Variants in ALOX12 observed in about 807,000 individuals in gnomAD.
The protein encoded by ALOX12 is polyunsaturated fatty acid lipoxygenase ALOX12.
Under a neutral mutation model 85.5 loss-of-function variants are expected in ALOX12, and 62 were observed. That is an observed-to-expected ratio of 0.73 (90% CI 0.59 to 0.90). The LOEUF is 0.90. Ranked by LOEUF, ALOX12 falls within the 40% of genes least tolerant of loss-of-function variation. The probability of loss-of-function intolerance (pLI) is 0.00; values close to 1 mark genes in which losing one functional copy is unlikely to be tolerated. For synonymous variants in ALOX12, 299 were observed against 332.7 expected (o/e 0.90, Z 1.10); for missense variants, 751 against 856.5 (o/e 0.88, Z 1.54).
At chr17:6,998,156 T>C (rs960423522) in intron 2 of ALOX12, among the ~76,000 whole-genome samples, 3 of 152,028 alleles carry the variant, frequency 2.0e-5, no homozygotes, top group Non-Finnish European at 4.4e-5. Context: ...TGTAGGTGTA[T>C]AGGTGACTAA....
chr17:7,000,227 C>A lies in ALOX12; in HGVS notation c.808-109C>A. On this transcript the variant is annotated intron_variant, in intron 6 of 13. Coordinates refer to ENST00000251535, the MANE Select transcript of ALOX12 (RefSeq NM_000697.3). The surrounding 1 kb of genome is among the most constrained non-coding windows in gnomAD (Gnocchi z 4.6). ...TAGTTCTCCCAACAGGGCTCCGGTA[C>A]TGATGCAGGAGAATGGCAAGAAGCT... 7.5e-7 allele frequency: 1 copy of A among 1,329,104 alleles called. No homozygotes were observed. Among genetic ancestry groups the A allele is most frequent in the Non-Finnish European group, 1.1e-6 (1 of 950,392 alleles). 82.3% of individuals were successfully genotyped at this position (1,329,104 alleles called of 1,614,324 possible). A position where few individuals can be genotyped will look rare whatever the true frequency, so the allele number is the denominator to read the frequency against.
intron 11 of ALOX12, among the ~76,000 whole-genome samples, chr17:7,006,811 C>CG (rs1909110440): frequency 6.6e-6 from 1 of 152,092 alleles, no homozygotes; most frequent in East Asian, 1.9e-4. Flanking sequence ...CTCAGAGACC[C>CG]TGGCCATCAA....
rs1256422053 is a variant in ALOX12, at chr17:6,998,487, A to G, written c.338-22A>G. ...TAGGACCAGACAGAGCCGTGAGGCC[A>G]ATTGTCTTGATGTCTCCCCAGCCCG... On this transcript the variant is annotated intron_variant, in intron 2 of 13. Coordinates refer to ENST00000251535, the MANE Select transcript of ALOX12 (RefSeq NM_000697.3). 1.9e-6 allele frequency: 3 copies of G among 1,571,474 alleles called. No individual in the cohort carries two copies. The Admixed American group carries it at 5.0e-5, about 26-fold the overall frequency.
chr17:7,005,292 C>T lies in ALOX12; in HGVS notation c.1197C>T (p.Ile399=). 1 of 1,613,848 alleles carries T rather than the reference C, an allele frequency of 6.2e-7. No homozygotes were observed. The highest frequency in any genetic ancestry group is 1.1e-5 in the South Asian group (1 of 91,068). Residue 399 remains isoleucine, a synonymous_variant, in exon 9 of 14, where the codon ATC becomes ATT. Coordinates refer to ENST00000251535, the MANE Select transcript of ALOX12 (RefSeq NM_000697.3). ...LIPHIRYTME[I]NTRARTQLIS... ...CCCATATCCGCTACACCATGGAAAT[C>T]AACACCCGGGCCCGGACCCAACTCA...
chr17:7,001,510 A>C, intron 7 of ALOX12, 92 bp from the exon 8 acceptor site: 1 of 1,291,014 alleles, frequency 7.7e-7, no homozygotes, highest in African/African-American at 1.4e-5. Flanking sequence ...CCTAGAAGGC[A>C]ATAATCTTAC....
Position 7,010,227 on chromosome 17 carries a change from C to T in ALOX12, c.1813-17C>T, listed in dbSNP as rs1157589800. ...CGTTTGTCTTTAGAAACTGACTGAT[C>T]CTTTGTTCTGTCTCAGGTGCCTCTG... On this transcript the variant is annotated splice_polypyrimidine_tract_variant and intron_variant, in intron 13 of 13. Coordinates refer to ENST00000251535, the MANE Select transcript of ALOX12 (RefSeq NM_000697.3). 6.2e-7 allele frequency: 1 copy of T among 1,610,182 alleles called. No individual in the cohort carries two copies.
chr17:7,009,313 C>G (rs1171473649), intron 11 of ALOX12, among the ~76,000 whole-genome samples: 1 of 152,162 alleles, frequency 6.6e-6, no homozygotes, highest in Non-Finnish European at 1.5e-5. Context: ...CCCATCTTGG[C>G]CTCCCCAAGT....
At chr17:7,003,707 C>T (rs1208993568) in intron 8 of ALOX12, among the ~76,000 whole-genome samples, 1 of 152,208 alleles carries the variant, frequency 6.6e-6, no homozygotes, top group Non-Finnish European at 1.5e-5. Context: ...GGATTGCAGG[C>T]ACATGCCGCC....
At chr17:7,001,852 A>C in intron 8 of ALOX12, 41 bp downstream of exon 8, 1 of 1,562,400 alleles carries the variant, frequency 6.4e-7, no homozygotes, top group South Asian at 1.1e-5. Flanking sequence ...CTCAGACCCC[A>C]GAGAGAGGAA....
In ALOX12 at chr17:7,010,050, G is replaced by A; in HGVS notation, c.1736G>A (p.Gly579Glu). 5 of 1,614,198 alleles carry A rather than the reference G, an allele frequency of 3.1e-6. No homozygotes were observed. Among genetic ancestry groups the A allele is most frequent in the Non-Finnish European group, 4.2e-6 (5 of 1,180,028 alleles). The change falls in exon 13 of 14, where the codon GGG becomes GAG. Residue 579 changes from glycine to glutamate, a missense_variant. Physicochemically the swap from Gly to Glu is moderately conservative, Grantham distance 98. Coordinates refer to ENST00000251535, the MANE Select transcript of ALOX12 (RefSeq NM_000697.3). ...GATGTGACGATGGCCACAGTGATGG[G>A]GTCACTACCTGATGTCCGGCAGGCC... ...KEDVTMATVM[G>E]SLPDVRQACL...
At chr17:7,002,199 T>A (rs539802127) in intron 8 of ALOX12, 33 of 334,774 alleles carry the variant, frequency 9.9e-5, no homozygotes, top group African/African-American at 5.4e-4. Flanking sequence ...TATAACAGTA[T>A]AGTATTGATG....
In ALOX12 at chr17:6,998,751, C is replaced by A. The variant is rs756015263; in HGVS notation, c.456C>A (p.Ile152=). Residue 152 remains isoleucine (I), a synonymous_variant, in exon 4 of 14, where the codon ATC becomes ATA. Transcript: ENST00000251535. ...ATWKEGLPLT[I]AADRKDDLPP... is the part of the protein sequence containing the mutation. ...GGAAGGAAGGGTTACCCCTGACCAT[C>A]GCTGCAGACCGTAAGGATGATCTAC... The A allele has an allele frequency of 1.5e-5, 25 of 1,613,930 alleles. No homozygotes were observed. Among genetic ancestry groups the A allele is most frequent in the South Asian group, 6.6e-5 (6 of 91,072 alleles).
Position 7,009,803 on chromosome 17 carries a change from G to A in ALOX12, c.1597G>A (p.Val533Ile), listed in dbSNP as rs780521121. 37 of 1,614,040 alleles carry A rather than the reference G, an allele frequency of 2.3e-5. No homozygotes were observed. The highest frequency in any genetic ancestry group is 6.6e-5 in the South Asian group (6 of 91,088). Residue 533 changes from valine (V) to isoleucine (I), a missense_variant, in exon 12 of 14, where the codon GTC becomes ATC. Transcript: ENST00000251535. ...ACTCTGCCATTTCCTCACCATGTGC[G>A]TCTTCACGTGCACTGCCCAGCATGC... Reference protein sequence around the residue: ...SQLCHFLTMCVFTCTAQHAAI... With the variant: ...SQLCHFLTMCIFTCTAQHAAI...
intron 2 of ALOX12, among the ~76,000 whole-genome samples, chr17:6,997,878 C>G (rs543302637): frequency 6.7e-4 from 102 of 151,850 alleles, no homozygotes; most frequent in Non-Finnish European, 1.3e-3. Flanking sequence ...GAATTTTTAA[C>G]CATGGGTAAT....
chr17:7,000,469 T>C lies in ALOX12; in HGVS notation c.941T>C (p.Met314Thr), dbSNP rs1908658277. 7 of 1,613,738 alleles carry C rather than the reference T, an allele frequency of 4.3e-6. No homozygotes were observed. Among genetic ancestry groups the C allele is most frequent in the African/African-American group, 1.3e-5 (1 of 74,880 alleles). Residue 314 changes from methionine (M) to threonine (T), a missense_variant, in exon 7 of 14, where the codon ATG (methionine) becomes ACG (threonine). Transcript: ENST00000251535. This position sits in a 1 kb window ranked among gnomAD's most constrained non-coding sequence, Gnocchi z 4.6. ...GAGCCCAATGGGAAGCTGCAGCCCA[T>C]GGTCATCCAGGTAAGGGCCCCAGAC... is the stretch of plus-strand genomic sequence containing the variant. ...KMEPNGKLQP[M>T]VIQIQPPNPS... is the part of the protein sequence containing the mutation.
intron 12 of ALOX12, 47 bp downstream of exon 12, chr17:7,009,894 G>A: frequency 6.2e-7 from 1 of 1,613,990 alleles, no homozygotes; most frequent in African/African-American, 1.3e-5. Flanking sequence ...GGTGACCTGA[G>A]GGAGAGATGG....
rs146737781 is a variant in ALOX12 at position 7,006,502 on chromosome 17, G to A, written c.1435G>A (p.Val479Ile). The change falls in exon 11 of 14, where the codon GTC (valine) becomes ATC (isoleucine). Residue 479 changes from valine (V) to isoleucine (I), a missense_variant. Transcript: ENST00000251535. ...EIIARYVEGIVHLFYQRDDIV... is the reference protein window; with the variant it reads ...EIIARYVEGIIHLFYQRDDIV... ...CCTGGGCAGGTATGTGGAGGGGATCGTCCACCTCTTCTACCAAAGGGATGA... is the reference window on the plus strand; with the variant it reads ...CCTGGGCAGGTATGTGGAGGGGATCATCCACCTCTTCTACCAAAGGGATGA... The A allele has an allele frequency of 2.4e-5, 38 of 1,613,702 alleles. No individual in the cohort carries two copies. Among genetic ancestry groups the A allele is most frequent in the African/African-American group, 2.1e-4 (16 of 75,018 alleles).
At position 6,998,518 on chromosome 17, in the gene ALOX12, C is replaced by A; in HGVS notation, c.347C>A (p.Pro116Gln). 1 of 1,612,998 alleles carries A rather than the reference C, an allele frequency of 6.2e-7. No homozygotes were observed. Among genetic ancestry groups the A allele is most frequent in the Non-Finnish European group, 8.5e-7 (1 of 1,179,164 alleles). Residue 116 changes from proline (P) to glutamine (Q), a missense_variant, in exon 3 of 14, where the codon CCA (proline) becomes CAA (glutamine). Pro to Gln is a moderately conservative substitution (Grantham distance 76, BLOSUM62 -1). Transcript: ENST00000251535. ...LSLPEGTARL[P>Q]GDNALDMFQK... ...CTTGATGTCTCCCCAGCCCGCCTGC[C>A]AGGAGACAATGCTTTGGACATGTTC... is the stretch of plus-strand genomic sequence containing the variant.
At position 7,010,287 on chromosome 17, in the gene ALOX12, A is replaced by G. The variant is rs775058964; in HGVS notation, c.1856A>G (p.Lys619Arg). ...AAAGAAAAATATTTCTCAGGCCCCA[A>G]GCCCAAAGCTGTGCTAAACCAATTC... is the stretch of plus-strand genomic sequence containing the variant. ...HHKEKYFSGP[K>R]PKAVLNQFRT... is the part of the protein sequence containing the mutation. The change falls in exon 14 of 14, where the codon AAG becomes AGG. Residue 619 changes from lysine to arginine, a missense_variant. Coordinates refer to ENST00000251535, the MANE Select transcript of ALOX12 (RefSeq NM_000697.3). 1.2e-6 allele frequency: 2 copies of G among 1,614,186 alleles called. No individual in the cohort carries two copies. The highest frequency in any genetic ancestry group is 2.2e-5 in the South Asian group (2 of 91,072).
Sources: allele counts gnomAD v4.1 joint callset (sites outside exome capture counted in the v4.1 genomes callset), GRCh38; gene constraint gnomAD v4.1.1; non-coding constraint Gnocchi (gnomAD v3.1); transcripts MANE v1.5; gene names NCBI Gene and HGNC (gene_info 2026-07-23, HGNC 2026-07-21).